The following WIF1 variants were observed in gnomAD, a reference collection of about 807,000 sequenced individuals.
WIF1 encodes the protein Wnt inhibitory factor 1.
WIF1 carries 35 observed loss-of-function variants against 53.5 expected under a neutral mutation model. The ratio of observed to expected loss-of-function variants is 0.65; its 90% CI spans 0.50 to 0.87. The LOEUF (loss-of-function observed/expected upper bound fraction) is 0.87. WIF1 is among the 40% of genes least tolerant of loss of function. The pLI is 0.00. For synonymous variants in WIF1, 171 were observed against 170.4 expected, an observed-to-expected ratio of 1.00 and a Z score of -0.03; for missense variants, 467 against 476.8, an observed-to-expected ratio of 0.98 and a Z score of 0.19.
intron 2 of WIF1, among the ~76,000 whole-genome samples, chr12:65,096,440 T>C (rs1005657621): frequency 1.3e-5 from 2 of 152,148 alleles, no homozygotes; most frequent in African/African-American, 4.8e-5. Flanking sequence ...GTTCAACCAT[T>C]GTGGAAAGAC....
intron 7 of WIF1, among the ~76,000 whole-genome samples, 155 bp from the exon 8 acceptor site, chr12:65,056,281 G>A (rs540876110): frequency 7.5e-6 from 1 of 133,182 alleles, no homozygotes; most frequent in Admixed American, 7.6e-5. Flanking sequence ...TTTTTTTTGA[G>A]TTTTGTTTTT....
intron 3 of WIF1, among the ~76,000 whole-genome samples, chr12:65,076,013 T>C (rs943534259): frequency 6.6e-6 from 1 of 151,988 alleles, no homozygotes; most frequent in African/African-American, 2.4e-5. Flanking sequence ...CTGTGACAAA[T>C]GACTTTTTAC....
chr12:65,055,508 A>G (rs1882509720), intron 8 of WIF1, among the ~76,000 whole-genome samples: 1 of 152,236 alleles, frequency 6.6e-6, no homozygotes, highest in Admixed American at 6.5e-5. Context: ...ATGATGGCTC[A>G]TGCCTGTAAT....
At chr12:65,082,291 G>T (rs1203318913) in intron 2 of WIF1, among the ~76,000 whole-genome samples, 1 of 152,106 alleles carries the variant, frequency 6.6e-6, no homozygotes, top group Admixed American at 6.6e-5. Context: ...ACAAATTGTA[G>T]ATTTATTATT....
intron 2 of WIF1, among the ~76,000 whole-genome samples, chr12:65,113,218 T>C (rs895894125): frequency 2.6e-5 from 4 of 152,204 alleles, no homozygotes; most frequent in African/African-American, 7.2e-5. Flanking sequence ...GAAGAAGCCC[T>C]GAACTGATAA....
chr12:65,060,736 CT>C (rs1440173289), intron 7 of WIF1, among the ~76,000 whole-genome samples: 1 of 152,150 alleles, frequency 6.6e-6, no homozygotes, highest in African/African-American at 2.4e-5. Flanking sequence ...TTCAACTATA[CT>C]TTTTTGTTTC....
chr12:65,114,170 T>A (rs1883474859), intron 2 of WIF1, among the ~76,000 whole-genome samples: 1 of 100,010 alleles, frequency 1.0e-5, no homozygotes, highest in African/African-American at 2.6e-5. Context: ...TTACCCTATT[T>A]TTTTTATTTT....
chr12:65,076,581 A>G (rs1882864249), intron 3 of WIF1, among the ~76,000 whole-genome samples: 1 of 152,222 alleles, frequency 6.6e-6, no homozygotes, highest in Non-Finnish European at 1.5e-5. Context: ...ATAATGAGAT[A>G]AGCACCAAGA....
chr12:65,067,135 A>G (rs1457135906), intron 5 of WIF1, among the ~76,000 whole-genome samples: 2 of 152,106 alleles, frequency 1.3e-5, no homozygotes, highest in African/African-American at 4.8e-5. Context: ...TTTTAAAATT[A>G]TTTTTTAACT....
Position 65,055,173 on chromosome 12 carries a change from A to C in WIF1, c.963T>G (p.His321Gln). 6.2e-7 allele frequency: 1 copy of C among 1,614,126 alleles called. No individual in the cohort carries two copies. Among genetic ancestry groups the C allele is most frequent in the Non-Finnish European group, 8.5e-7 (1 of 1,180,022 alleles). ...CTTGACATTGGCATTTGTTGGGTTC[A>C]TGGCAGGTTCCATGTGCACCACAGC... The part of the protein sequence containing the change: ...EPGCGAHGTC[H>Q]EPNKCQCQEG... Residue 321 changes from histidine (H) to glutamine (Q), a missense_variant, in exon 9 of 10, where the codon CAT (histidine) becomes CAG (glutamine). Physicochemically the swap from His to Gln is conservative, Grantham distance 24 (BLOSUM62 0). Coordinates refer to ENST00000286574, the MANE Select transcript of WIF1 (RefSeq NM_007191.5).
At chr12:65,062,391 G>T in intron 7 of WIF1, 90 bp downstream of exon 7, 2 of 1,100,066 alleles carry the variant, frequency 1.8e-6, no homozygotes, top group Non-Finnish European at 2.6e-6. Context: ...TTCTCTCTGG[G>T]CTTCCGACTC....
At position 65,121,272 on chromosome 12, in the gene WIF1, G is replaced by T. The variant is rs1883607694; in HGVS notation, c.-81C>A. The stretch of plus-strand genomic sequence containing the variant: ...CTGGCGCCGTCAGATACTCTGCTGC[G>T]CTGCAGCTCCCTCAGCCAGGGCTGT... On this transcript the variant is annotated 5_prime_UTR_variant, in exon 1 of 10. Transcript: ENST00000286574. The T allele has an allele frequency of 9.7e-6, 13 of 1,339,220 alleles. No individual in the cohort carries two copies. The highest frequency in any genetic ancestry group is 6.7e-5 in the Admixed American group (2 of 29,826). The allele number at this position is 1,339,220 out of a possible 1,614,324, so 83.0% of individuals were successfully genotyped here.
chr12:65,059,206 C>CT (rs947428762), intron 7 of WIF1, among the ~76,000 whole-genome samples: 55 of 152,242 alleles, frequency 3.6e-4, no homozygotes, highest in African/African-American at 1.3e-3. Flanking sequence ...CATTAAATTT[C>CT]TTCTACCTAT....
intron 2 of WIF1, among the ~76,000 whole-genome samples, chr12:65,098,157 G>A (rs1267158968): frequency 6.6e-6 from 1 of 152,112 alleles, no homozygotes; most frequent in Non-Finnish European, 1.5e-5. Context: ...GGTTAACATA[G>A]GGTCAGGCCA....
chr12:65,094,642 G>T (rs1275096768), intron 2 of WIF1, among the ~76,000 whole-genome samples: 1 of 152,114 alleles, frequency 6.6e-6, no homozygotes, highest in African/African-American at 2.4e-5. Context: ...AGCACTTAAT[G>T]ACAGAATAAA....
intron 4 of WIF1, 72 bp downstream of exon 4, chr12:65,068,692 T>C: frequency 5.3e-6 from 8 of 1,510,626 alleles, no homozygotes; most frequent in Non-Finnish European, 7.2e-6. Context: ...TGTGTATAGA[T>C]ATAAATATTT....
At chr12:65,056,778 T>A (rs1003008299) in intron 7 of WIF1, among the ~76,000 whole-genome samples, 1 of 151,926 alleles carries the variant, frequency 6.6e-6, no homozygotes, top group Non-Finnish European at 1.5e-5. Flanking sequence ...TCCTCCAGGG[T>A]TGCTGGGAAC....
At position 65,066,780 on chromosome 12, in the gene WIF1, G is replaced by T. The variant is rs755111592; in HGVS notation, c.635-44C>A. 8.3e-6 allele frequency: 12 copies of T among 1,443,276 alleles called. No homozygotes were observed. In the African/African-American group the frequency reaches 1.7e-4, roughly 21 times the overall value. 89.4% of individuals were successfully genotyped at this position (1,443,276 alleles called of 1,614,324 possible). A position where few individuals can be genotyped will look rare whatever the true frequency, so the allele number is the denominator to read the frequency against. On this transcript the variant is annotated intron_variant, in intron 5 of 9. Coordinates refer to ENST00000286574, the MANE Select transcript of WIF1 (RefSeq NM_007191.5). ...CCTGATTAAGGCCAAATGGTATTTT[G>T]GAGCAGGACCATTTTGAAATGTCAA...
chr12:65,118,965 G>A (rs907083387), intron 2 of WIF1, among the ~76,000 whole-genome samples: 1 of 152,030 alleles, frequency 6.6e-6, no homozygotes, highest in Non-Finnish European at 1.5e-5. Context: ...CAGATGGAAG[G>A]GTGCAGTTCA....
Sources: gnomAD v4.1 joint callset for allele counts (sites outside exome capture counted in the v4.1 genomes callset) on GRCh38, gnomAD v4.1.1 for gene constraint, MANE v1.5 for transcripts, NCBI Gene and HGNC (gene_info 2026-07-23, HGNC 2026-07-21) for gene names.